The following PDE4D variants were observed in gnomAD, a reference collection of about 807,000 sequenced individuals.
PDE4D encodes the protein 3',5'-cyclic-AMP phosphodiesterase 4D.
In PDE4D, 24 loss-of-function variants were observed where a neutral mutation model predicts 87.4. That is an observed-to-expected ratio of 0.27 (90% confidence interval 0.20 to 0.39). The LOEUF (loss-of-function observed/expected upper bound fraction) is 0.39. Among genes scored for constraint, PDE4D ranks in the 10% least tolerant of loss-of-function variants. The pLI is 1.00. For missense variants in PDE4D, 714 were observed against 1,041.0 expected (o/e 0.69, Z 4.32); for synonymous variants, 384 against 383.2 (o/e 1.00, Z -0.02).
chr5:59,705,527 A>G (rs1032606134), intron 1 of PDE4D, among the ~76,000 whole-genome samples: 2 of 152,196 alleles, frequency 1.3e-5, no homozygotes, highest in East Asian at 3.8e-4. Flanking sequence ...AAGAGAAACC[A>G]TGACAATTTT....
intron 1 of PDE4D, among the ~76,000 whole-genome samples, chr5:59,289,952 C>T (rs1167915771): frequency 2.0e-5 from 3 of 151,662 alleles, no homozygotes; most frequent in African/African-American, 4.8e-5. Flanking sequence ...AATTAAGTAC[C>T]TAGGGTTAAC....
chr5:59,608,186 C>T lies in PDE4D; in HGVS notation c.455+284982G>A, dbSNP rs188755787. Among the ~76,000 whole-genome samples the T allele has an allele frequency of 1.3e-3, 204 of 152,076 alleles. 1 individual carries two copies. Among genetic ancestry groups the T allele is most frequent in the Non-Finnish European group, 2.4e-3 (166 of 67,968 alleles). ...CGTTTCAACAATTTTTTGATTAATC[C>T]GAAAAGAACCCTGGTATGTGAAATC... is the stretch of plus-strand genomic sequence containing the variant. On this transcript the variant is annotated intron_variant, in intron 1 of 14. Transcript: ENST00000340635.
In PDE4D at chr5:59,176,980, T is replaced by G. The variant is rs566266890; in HGVS notation, c.808+3615A>C. ...GGACCCACAAGTTTTCCTCTCATGATCTTGCAAGCTTGCCTTTCTCTCACT... is the reference window on the plus strand; with the variant it reads ...GGACCCACAAGTTTTCCTCTCATGAGCTTGCAAGCTTGCCTTTCTCTCACT... On this transcript the variant is annotated intron_variant, in intron 5 of 14. Coordinates refer to ENST00000340635, the MANE Select transcript of PDE4D (RefSeq NM_001104631.2). Among the ~76,000 whole-genome samples the G allele has an allele frequency of 3.9e-5, 6 of 152,308 alleles. No individual in the cohort carries two copies. The South Asian group carries it at 1.2e-3, about 32-fold the overall frequency.
intron 1 of PDE4D, among the ~76,000 whole-genome samples, chr5:60,232,815 T>C (rs2149630818): frequency 6.6e-6 from 1 of 151,776 alleles, no homozygotes; most frequent in Admixed American, 6.6e-5. Flanking sequence ...TTAAAGATAT[T>C]AAAAGTGCCA....
chr5:59,443,179 A>G (rs922184978), intron 1 of PDE4D, among the ~76,000 whole-genome samples: 9 of 152,206 alleles, frequency 5.9e-5, no homozygotes, highest in Admixed American at 1.3e-4. Flanking sequence ...AGGGAATGTA[A>G]AATCAATGCT....
intron 1 of PDE4D, among the ~76,000 whole-genome samples, chr5:59,250,462 C>CA (rs1445659895): frequency 2.0e-5 from 3 of 146,714 alleles, no homozygotes; most frequent in Non-Finnish European, 4.5e-5. Flanking sequence ...TACTGCACTC[C>CA]AGCTTGGGTA....
intron 1 of PDE4D, among the ~76,000 whole-genome samples, chr5:59,877,012 T>C (rs966642132): frequency 1.3e-5 from 2 of 152,142 alleles, no homozygotes; most frequent in African/African-American, 4.8e-5. Context: ...TATGAAAATA[T>C]ATATAAAATC....
chr5:59,574,143 T>A lies in PDE4D; in HGVS notation c.455+319025A>T, dbSNP rs866514345. On this transcript the variant is annotated intron_variant, in intron 1 of 14. Coordinates refer to ENST00000340635, the MANE Select transcript of PDE4D (RefSeq NM_001104631.2). Reference sequence around the variant, plus strand: ...AAATATATATTTATATATATATATATAAATATATATTTATATATATATATA... The same window carrying A: ...AAATATATATTTATATATATATATAAAAATATATATTTATATATATATATA... Among the ~76,000 whole-genome samples the A allele has an allele frequency of 8.6e-4, 5 of 5,840 alleles. 1 individual carries two copies. Among genetic ancestry groups the A allele is most frequent in the African/African-American group, 1.2e-3 (4 of 3,284 alleles). The allele number at this position is 5,840 out of a possible 152,430, so 3.8% of individuals were successfully genotyped here.
At chr5:59,498,034 GAAA>G (rs971993361) in intron 1 of PDE4D, among the ~76,000 whole-genome samples, 1 of 151,274 alleles carries the variant, frequency 6.6e-6, no homozygotes, top group African/African-American at 2.4e-5. Flanking sequence ...CATTTTTAAA[GAAA>G]AAAAATGCCA....
chr5:60,206,868 T>C (rs1025576352), intron 1 of PDE4D, among the ~76,000 whole-genome samples: 10 of 152,228 alleles, frequency 6.6e-5, no homozygotes, highest in Admixed American at 4.6e-4. Context: ...TACAATCTTG[T>C]TTAGAGAGCA....
At chr5:59,670,878 C>T (rs1411290293) in intron 1 of PDE4D, among the ~76,000 whole-genome samples, 1 of 151,870 alleles carries the variant, frequency 6.6e-6, no homozygotes, top group Non-Finnish European at 1.5e-5. Context: ...CTGTGTTACC[C>T]AGGCTGGCCT....
chr5:59,095,679 C>G (rs141414282), intron 5 of PDE4D, among the ~76,000 whole-genome samples: 2,198 of 152,316 alleles, frequency 0.014, 65 homozygotes, highest in African/African-American at 0.05. Context: ...ATTACCCAGA[C>G]TACCAGGACT....
intron 1 of PDE4D, among the ~76,000 whole-genome samples, chr5:59,323,500 T>C (rs1397542156): frequency 6.6e-6 from 1 of 152,086 alleles, no homozygotes; most frequent in Non-Finnish European, 1.5e-5. Flanking sequence ...GTCTGCTTCT[T>C]CTTTGGATAT....
intron 2 of PDE4D, among the ~76,000 whole-genome samples, chr5:60,055,048 A>C (rs150337851): frequency 1.3e-5 from 2 of 152,248 alleles, no homozygotes; most frequent in East Asian, 3.9e-4. Flanking sequence ...GTAGCCCATT[A>C]CAAAGATCAA....
intron 1 of PDE4D, among the ~76,000 whole-genome samples, chr5:59,826,239 T>C (rs1452411167): frequency 1.3e-5 from 2 of 152,146 alleles, no homozygotes; most frequent in African/African-American, 2.4e-5. Context: ...AGAACTCGAG[T>C]AATAATTTCA....
At chr5:59,558,044 A>G (rs1819271774) in intron 1 of PDE4D, among the ~76,000 whole-genome samples, 1 of 152,216 alleles carries the variant, frequency 6.6e-6, no homozygotes, top group Non-Finnish European at 1.5e-5. Flanking sequence ...GTTTAACAAT[A>G]CTACTAAAAA....
intron 3 of PDE4D, among the ~76,000 whole-genome samples, chr5:59,952,212 G>A (rs1267066371): frequency 1.3e-5 from 2 of 152,010 alleles, no homozygotes; most frequent in African/African-American, 4.8e-5. Flanking sequence ...CTCCATGATT[G>A]TAAGTTTCCT....
intron 1 of PDE4D, among the ~76,000 whole-genome samples, chr5:59,329,556 C>T (rs763947620): frequency 1.3e-5 from 2 of 152,108 alleles, no homozygotes; most frequent in African/African-American, 2.4e-5. Context: ...AATCAATAAG[C>T]ATAGTGTAAT....
chr5:59,273,462 A>G (rs1368278937), intron 1 of PDE4D, among the ~76,000 whole-genome samples: 1 of 152,090 alleles, frequency 6.6e-6, no homozygotes, highest in Non-Finnish European at 1.5e-5. Context: ...CTAATATTTG[A>G]CTGATAGACG....
Sources: allele counts gnomAD v4.1 joint callset (sites outside exome capture counted in the v4.1 genomes callset), GRCh38; gene constraint gnomAD v4.1.1; transcripts MANE v1.5; gene names NCBI Gene and HGNC (gene_info 2026-07-23, HGNC 2026-07-21).